Variants in SRA1 observed in about 807,000 individuals in gnomAD.
The protein encoded by SRA1 is steroid receptor RNA activator 1, also known as lncRNA SRA.
SRA1 carries 25 observed loss-of-function variants against 24.3 expected under a neutral mutation model. The ratio of observed to expected loss-of-function variants is 1.03; its 90% confidence interval spans 0.75 to 1.43. The LOEUF (loss-of-function observed/expected upper bound fraction) is 1.43. Among genes scored for constraint, SRA1 ranks in the 40% most tolerant of loss-of-function variants. The probability of loss-of-function intolerance (pLI) is 0.00; values close to 1 mark genes in which losing one functional copy is unlikely to be tolerated. For synonymous variants in SRA1, 104 were observed against 109.5 expected (o/e 0.95, Z 0.31); for missense variants, 303 against 286.6 (o/e 1.06, Z -0.41).
Position 140,551,178 on chromosome 5 carries a change from C to G in SRA1, c.355-9G>C, listed in dbSNP as rs1754550059. ...TCATCACATACCTGCTTCTAAGAGA[C>G]AGAAGCCCCCCTCCAATTCAGTGCT... is the stretch of plus-strand genomic sequence containing the variant. On this transcript the variant is annotated splice_polypyrimidine_tract_variant and intron_variant, in intron 3 of 4. Coordinates refer to ENST00000336283, the MANE Select transcript of SRA1 (RefSeq NM_001035235.4). The G allele has an allele frequency of 6.2e-7, 1 of 1,609,482 alleles. No individual in the cohort carries two copies. The highest frequency in any genetic ancestry group is 8.5e-7 in the Non-Finnish European group (1 of 1,176,114).
Position 140,552,077 on chromosome 5 carries a change from C to T in SRA1, c.259G>A (p.Glu87Lys). The change falls in exon 3 of 5, where the codon GAG becomes AAG. Residue 87 changes from glutamate (E) to lysine (K), a missense_variant. Coordinates refer to ENST00000336283, the MANE Select transcript of SRA1 (RefSeq NM_001035235.4). The stretch of plus-strand genomic sequence containing the variant: ...GACTCGACTGGGAAACTTGTGGGCT[C>T]CACGCCAGAGGCAGGACCACTCCCC... Reference protein sequence around the residue: ...PVGSGPASGVEPTSFPVESEA... With the variant: ...PVGSGPASGVKPTSFPVESEA... 1 of 1,614,024 alleles carries T rather than the reference C, an allele frequency of 6.2e-7. No individual in the cohort carries two copies. Among genetic ancestry groups the T allele is most frequent in the Non-Finnish European group, 8.5e-7 (1 of 1,179,968 alleles).
chr5:140,557,375 C>G, intron 1 of SRA1, 53 bp downstream of exon 1: 9 of 1,602,600 alleles, frequency 5.6e-6, no homozygotes, highest in Non-Finnish European at 7.6e-6. Flanking sequence ...GCAACCGCCC[C>G]CAGCCTAGGC....
At chr5:140,556,141 A>C (rs994884088) in intron 2 of SRA1, among the ~76,000 whole-genome samples, 1 of 152,252 alleles carries the variant, frequency 6.6e-6, no homozygotes, top group Non-Finnish European at 1.5e-5. Flanking sequence ...AAGACACAGG[A>C]AAGTCCCTCA....
At chr5:140,557,108 C>G (rs199973012) in intron 2 of SRA1, 39 bp downstream of exon 2, 6 of 1,034,732 alleles carry the variant, frequency 5.8e-6, no homozygotes, top group South Asian at 1.4e-5. Context: ...CCCCCCCCCC[C>G]ATTCTCCGTC....
chr5:140,554,526 A>G (rs1054814008), intron 2 of SRA1, among the ~76,000 whole-genome samples: 1 of 152,130 alleles, frequency 6.6e-6, no homozygotes, highest in Admixed American at 6.5e-5. Context: ...GCTCCTATCA[A>G]AAGCCATCTT....
chr5:140,557,351 C>T (rs763467038), intron 1 of SRA1, 77 bp downstream of exon 1: 1 of 1,603,718 alleles, frequency 6.2e-7, no homozygotes, highest in Non-Finnish European at 8.5e-7. Context: ...GACAGAGGGT[C>T]CATACTAAGC....
intron 2 of SRA1, 21 bp from the exon 3 acceptor site, chr5:140,552,205 C>A (rs1236436884): frequency 1.3e-6 from 2 of 1,535,276 alleles, no homozygotes; most frequent in Non-Finnish European, 1.8e-6. Context: ...ACAGCAGGAT[C>A]AAGCAACATG....
intron 3 of SRA1, 126 bp from the exon 4 acceptor site, chr5:140,551,295 C>T: frequency 1.5e-6 from 1 of 682,828 alleles, no homozygotes; most frequent in Non-Finnish European, 2.4e-6. Flanking sequence ...TGGTTCTTTA[C>T]CCAAAGATTA....
upstream of SRA1, chr5:140,558,011 CT>C (rs1265635825): frequency 5.9e-6 from 1 of 170,504 alleles, no homozygotes; most frequent in Non-Finnish European, 1.3e-5. Context: ...TTATTTGACT[CT>C]TGTTCGTTTC....
rs751994396 is a variant in SRA1, at chr5:140,551,184, C to G, written c.355-15G>C. On this transcript the variant is annotated splice_polypyrimidine_tract_variant and intron_variant, in intron 3 of 4. Transcript: ENST00000336283. ...CATACCTGCTTCTAAGAGACAGAAG[C>G]CCCCCTCCAATTCAGTGCTGCCAGC... 2 of 1,607,494 alleles carry G rather than the reference C, an allele frequency of 1.2e-6. No individual in the cohort carries two copies. Among genetic ancestry groups the G allele is most frequent in the Admixed American group, 1.7e-5 (1 of 59,978 alleles).
intron 3 of SRA1, 64 bp from the exon 4 acceptor site, chr5:140,551,233 G>T: frequency 7.7e-7 from 1 of 1,306,768 alleles, no homozygotes; most frequent in South Asian, 1.2e-5. Context: ...GAGAGGGGAA[G>T]ACAGCACCAC....
intron 2 of SRA1, among the ~76,000 whole-genome samples, chr5:140,553,763 A>G (rs893272406): frequency 1.3e-5 from 2 of 152,212 alleles, no homozygotes; most frequent in African/African-American, 4.8e-5. Flanking sequence ...GTAGTTCAGG[A>G]AAGAGATAAT....
At chr5:140,556,881 G>A (rs1754718734) in intron 2 of SRA1, among the ~76,000 whole-genome samples, 1 of 151,902 alleles carries the variant, frequency 6.6e-6, no homozygotes, top group Non-Finnish European at 1.5e-5. Context: ...ATAACTTCAG[G>A]ATTAAAACTA....
upstream of SRA1, chr5:140,557,543 T>G (rs1190590833): frequency 2.5e-5 from 37 of 1,456,348 alleles, no homozygotes; most frequent in Non-Finnish European, 3.2e-5. Context: ...GCCAGGCGGG[T>G]TGCCGGAATC....
intron 2 of SRA1, among the ~76,000 whole-genome samples, chr5:140,554,577 A>G (rs997292353): frequency 1.4e-5 from 2 of 146,154 alleles, no homozygotes; most frequent in Non-Finnish European, 3.1e-5. Flanking sequence ...TGTCTTCTCT[A>G]GACTTCCCTA....
upstream of SRA1, chr5:140,557,481 C>T (rs1302143435): frequency 1.9e-6 from 3 of 1,548,498 alleles, no homozygotes; most frequent in Admixed American, 2.0e-5. Context: ...AGCGGGGCAG[C>T]GCGTCATTTC....
chr5:140,556,671 CT>C (rs35384293), intron 2 of SRA1, among the ~76,000 whole-genome samples: 55,669 of 146,392 alleles, frequency 0.38, 10,510 homozygotes, highest in East Asian at 0.51. Context: ...AAGCAGAGAT[CT>C]TTTTTTTTTT....
At chr5:140,556,425 A>G (rs1754697294) in intron 2 of SRA1, among the ~76,000 whole-genome samples, 1 of 152,156 alleles carries the variant, frequency 6.6e-6, no homozygotes, top group Non-Finnish European at 1.5e-5. Flanking sequence ...AAAGCCCACT[A>G]TGCTGTAGCC....
chr5:140,551,914 C>T (rs1754570399), intron 3 of SRA1, 68 bp downstream of exon 3: 1 of 1,457,152 alleles, frequency 6.9e-7, no homozygotes, highest in African/African-American at 1.4e-5. Flanking sequence ...GGGTCTATCT[C>T]TGGGAACCAT....
Sources: allele counts gnomAD v4.1 joint callset (sites outside exome capture counted in the v4.1 genomes callset), GRCh38; gene constraint gnomAD v4.1.1; transcripts MANE v1.5; gene names NCBI Gene and HGNC (gene_info 2026-07-23, HGNC 2026-07-21).